The following NUP155 variants were observed in gnomAD, a reference collection of about 807,000 sequenced individuals.
NUP155 encodes nuclear pore complex protein Nup155.
In NUP155, 71 loss-of-function variants were observed where a neutral mutation model predicts 180.4. That is an observed-to-expected ratio of 0.39 (90% CI 0.33 to 0.48). The LOEUF is 0.48. Ranked by LOEUF, NUP155 falls within the 20% of genes least tolerant of loss-of-function variation. The pLI, the probability that NUP155 is intolerant of heterozygous loss-of-function variation, is 0.91. For missense variants in NUP155, 1,553 were observed against 1,648.9 expected, an observed-to-expected ratio of 0.94 and a Z score of 1.01; for synonymous variants, 582 against 559.5, an observed-to-expected ratio of 1.04 and a Z score of -0.57.
intron 4 of NUP155, among the ~76,000 whole-genome samples, chr5:37,353,144 T>C (rs1746576712): frequency 1.3e-5 from 2 of 152,068 alleles, no homozygotes; most frequent in East Asian, 1.9e-4. Context: ...TATTAAAATA[T>C]AGAGATGTAT....
chr5:37,341,978 C>T (rs1206669188), intron 10 of NUP155, among the ~76,000 whole-genome samples: 2 of 152,194 alleles, frequency 1.3e-5, no homozygotes, highest in Non-Finnish European at 2.9e-5. Context: ...TCTTGTGTTC[C>T]AATTCAGGCT....
At chr5:37,331,358 T>TGAGGTCGGGAGTTCGAGAC (rs1744951183) in intron 14 of NUP155, among the ~76,000 whole-genome samples, 2 of 152,184 alleles carry the variant, frequency 1.3e-5, no homozygotes, top group African/African-American at 4.8e-5. Flanking sequence ...GCGGATCACC[T>TGAGGTCGGGAGTTCGAGAC]GAGGTCGGGA....
intron 13 of NUP155, 115 bp from the exon 14 acceptor site, chr5:37,331,910 A>C: frequency 2.8e-6 from 2 of 722,722 alleles, no homozygotes; most frequent in Non-Finnish European, 4.9e-6. Context: ...CCATTCAACA[A>C]TACAAAGTAG....
At position 37,348,418 on chromosome 5, in the gene NUP155, G is replaced by A. The variant is rs1009945451; in HGVS notation, c.995+87C>T. The A allele has an allele frequency of 1.5e-5, 13 of 870,488 alleles. No individual in the cohort carries two copies. In the African/African-American group the frequency reaches 2.0e-4, roughly 13 times the overall value. 53.9% of individuals were successfully genotyped at this position (870,488 alleles called of 1,614,324 possible). ...TTGTCTTTTAGAGACATTTTGATGAGGGAATAATATATACTTTTAGAAGGC... is the reference window on the plus strand; with the variant it reads ...TTGTCTTTTAGAGACATTTTGATGAAGGAATAATATATACTTTTAGAAGGC... On this transcript the variant is annotated intron_variant, in intron 9 of 34. Coordinates refer to ENST00000231498, the MANE Select transcript of NUP155 (RefSeq NM_153485.3).
In NUP155 at chr5:37,307,415, C is replaced by T. The variant is rs1320566900; in HGVS notation, c.2785G>A (p.Val929Met). 7 of 1,613,848 alleles carry T rather than the reference C, an allele frequency of 4.3e-6. No homozygotes were observed. The highest frequency in any genetic ancestry group is 1.7e-5 in the Admixed American group (1 of 59,972). Residue 929 changes from valine (V) to methionine (M), a missense_variant, in exon 25 of 35, where the codon GTG becomes ATG. By Grantham distance (21) the Val-to-Met change is conservative. Coordinates refer to ENST00000231498, the MANE Select transcript of NUP155 (RefSeq NM_153485.3). Reference sequence around the variant, plus strand: ...GCAGCCGTAAGAGAAAGTTCCACCACACCCTCATAAAATCTCACTGATGGG... The same window carrying T: ...GCAGCCGTAAGAGAAAGTTCCACCATACCCTCATAAAATCTCACTGATGGG... ...QYRQVRFYEG[V>M]VELSLTAAEK...
intron 3 of NUP155, among the ~76,000 whole-genome samples, chr5:37,362,913 TTTG>T (rs1446464270): frequency 2.0e-5 from 3 of 152,062 alleles, no homozygotes; most frequent in South Asian, 2.1e-4. Context: ...AATACAGTGT[TTTG>T]TTGTTGTTGT....
Position 37,294,535 on chromosome 5 carries a change from T to C in NUP155, c.3794-70A>G, listed in dbSNP as rs888585055. ...GATACTAAAAGGTAGGTCTTATTCA[T>C]AACTGAATAGTTTCTAGGGGGATAT... On this transcript the variant is annotated intron_variant, in intron 32 of 34. Coordinates refer to ENST00000231498, the MANE Select transcript of NUP155 (RefSeq NM_153485.3). 12 of 1,442,096 alleles carry C rather than the reference T, an allele frequency of 8.3e-6. No individual in the cohort carries two copies. In the African/African-American group the frequency reaches 1.7e-4, roughly 20 times the overall value. 89.3% of individuals were successfully genotyped at this position (1,442,096 alleles called of 1,614,324 possible). A position where few individuals can be genotyped will look rare whatever the true frequency, so the allele number is the denominator to read the frequency against.
rs1002987191 is a variant in NUP155 at position 37,364,879 on chromosome 5, G to A, written c.158-495C>T. 5.3e-5 allele frequency among the ~76,000 whole-genome samples: 8 copies of A among 151,712 alleles called. No homozygotes were observed. The East Asian group carries it at 1.4e-3, about 26-fold the overall frequency. Reference sequence around the variant, plus strand: ...TCTTGATCTCCTGACCTCATGATCCGCCCGCCTCGGCCTCCCAAAAGGCTA... The same window carrying A: ...TCTTGATCTCCTGACCTCATGATCCACCCGCCTCGGCCTCCCAAAAGGCTA... On this transcript the variant is annotated intron_variant, in intron 1 of 34. Transcript: ENST00000231498.
intron 32 of NUP155, among the ~76,000 whole-genome samples, chr5:37,297,101 A>AAT (rs751368620): frequency 6.6e-5 from 10 of 152,028 alleles, no homozygotes; most frequent in East Asian, 1.9e-4. Flanking sequence ...AAAAGAAAAA[A>AAT]ATATATATAT....
At position 37,304,756 on chromosome 5, in the gene NUP155, C is replaced by T. The variant is rs749927379; in HGVS notation, c.3145G>A (p.Ala1049Thr). ...AGATTTACCTGTAGCAGCTTATCTG[C>T]AAGGTCGACTTGTATTAGCCAATTA... is the stretch of plus-strand genomic sequence containing the variant. ...LYNWLIQVDLADKLLQVASPF... is the reference protein window; with the variant it reads ...LYNWLIQVDLTDKLLQVASPF... Residue 1049 changes from alanine (A) to threonine (T), a missense_variant, in exon 27 of 35, where the codon GCA becomes ACA. By Grantham distance (58) the Ala-to-Thr change is moderately conservative (BLOSUM62 0). Coordinates refer to ENST00000231498, the MANE Select transcript of NUP155 (RefSeq NM_153485.3). The T allele has an allele frequency of 1.9e-6, 3 of 1,611,114 alleles. No individual in the cohort carries two copies. In the African/African-American group the frequency reaches 4.0e-5, roughly 22 times the overall value.
rs745455978 is a variant in NUP155 at position 37,321,749 on chromosome 5, TAC to T, written c.2207+2241_2207+2242del. Reference sequence around the variant, plus strand: ...GCAGGGGAATATATATATATATGTATACACACACACACACAAAGTATGAATAA... The same window carrying T: ...GCAGGGGAATATATATATATATGTATACACACACACACAAAGTATGAATAA... On this transcript the variant is annotated intron_variant, in intron 20 of 34. Transcript: ENST00000231498. Among the ~76,000 whole-genome samples, 124 of 151,936 alleles carry T rather than the reference TAC, an allele frequency of 8.2e-4. 1 individual carries two copies. The highest frequency in any genetic ancestry group is 1.4e-3 in the Non-Finnish European group (96 of 67,912).
chr5:37,295,816 G>A lies in NUP155; in HGVS notation c.3794-1351C>T, dbSNP rs1440152868. ...TGAGGAGCCCCTCCGCCCAGCAGCC[G>A]CCCCGTCTGAGAAGTGAGGAGCCCC... On this transcript the variant is annotated intron_variant, in intron 32 of 34. Coordinates refer to ENST00000231498, the MANE Select transcript of NUP155 (RefSeq NM_153485.3). 4.7e-5 allele frequency among the ~76,000 whole-genome samples: 7 copies of A among 149,696 alleles called. No individual in the cohort carries two copies. In the South Asian group the frequency reaches 6.3e-4, roughly 14 times the overall value.
chr5:37,352,813 A>G lies in NUP155; in HGVS notation c.480T>C (p.His160=). 1.2e-6 allele frequency: 2 copies of G among 1,613,208 alleles called. No homozygotes were observed. Among genetic ancestry groups the G allele is most frequent in the Non-Finnish European group, 8.5e-7 (1 of 1,179,244 alleles). ...VKPKAGIFQP[H]VRHLLVLATP... The stretch of plus-strand genomic sequence containing the variant: ...TCGCCAAAACCAGGAGGTGTCGCAC[A>G]TGAGGTTGAAAGATGCCTAAGATAA... The change falls in exon 5 of 35, where the codon CAT becomes CAC. Residue 160 remains histidine (H), a synonymous_variant. Coordinates refer to ENST00000231498, the MANE Select transcript of NUP155 (RefSeq NM_153485.3).
chr5:37,293,585 T>C (rs981377418), intron 33 of NUP155, among the ~76,000 whole-genome samples: 3 of 152,206 alleles, frequency 2.0e-5, no homozygotes, highest in African/African-American at 7.2e-5. Flanking sequence ...ATCCTTAGCA[T>C]AAAAATTACA....
At chr5:37,308,578 G>A (rs1010998801) in intron 24 of NUP155, among the ~76,000 whole-genome samples, 6 of 152,016 alleles carry the variant, frequency 3.9e-5, no homozygotes, top group African/African-American at 1.4e-4. Flanking sequence ...GGCGCCTGTA[G>A]TCCCAGCTAC....
chr5:37,345,908 C>CAA (rs35161106), intron 9 of NUP155, among the ~76,000 whole-genome samples: 20 of 67,208 alleles, frequency 3.0e-4, no homozygotes, highest in East Asian at 6.3e-4. Flanking sequence ...GATTCCATCT[C>CAA]AAAAAAAAAA....
rs1440711095 is a variant in NUP155 at position 37,341,072 on chromosome 5, T to C, written c.1246+18A>G. On this transcript the variant is annotated intron_variant, in intron 11 of 34. Coordinates refer to ENST00000231498, the MANE Select transcript of NUP155 (RefSeq NM_153485.3). Reference sequence around the variant, plus strand: ...TTTAAGAATATAATCTTAAATCTGATAGTATTTCAGAACTTACCTTTACTA... The same window carrying C: ...TTTAAGAATATAATCTTAAATCTGACAGTATTTCAGAACTTACCTTTACTA... 6 of 1,564,748 alleles carry C rather than the reference T, an allele frequency of 3.8e-6. No individual in the cohort carries two copies. Among genetic ancestry groups the C allele is most frequent in the East Asian group, 2.2e-5 (1 of 44,566 alleles).
intron 11 of NUP155, 53 bp downstream of exon 11, chr5:37,341,036 AT>A: frequency 7.1e-7 from 1 of 1,411,620 alleles, no homozygotes; most frequent in East Asian, 2.4e-5. Flanking sequence ...ACACCATATA[AT>A]TTTAACAATT....
chr5:37,330,663 T>C (rs1184561905), intron 14 of NUP155, among the ~76,000 whole-genome samples: 4 of 152,266 alleles, frequency 2.6e-5, no homozygotes, highest in Admixed American at 2.6e-4. Context: ...CAATTCCAGT[T>C]GTGGCTCTGA....
Sources: gnomAD v4.1 joint callset for allele counts (sites outside exome capture counted in the v4.1 genomes callset) on GRCh38, gnomAD v4.1.1 for gene constraint, MANE v1.5 for transcripts, NCBI Gene and HGNC (gene_info 2026-07-23, HGNC 2026-07-21) for gene names.